The following HLCS variants were observed in gnomAD, a reference collection of about 807,000 sequenced individuals.
HLCS encodes biotin--protein ligase.
HLCS carries 53 observed loss-of-function variants against 75.0 expected under a neutral mutation model. The ratio of observed to expected loss-of-function variants is 0.71; its 90% confidence interval spans 0.57 to 0.89. The LOEUF is 0.89. HLCS is among the 40% of genes least tolerant of loss of function. The pLI is 0.00. For missense variants in HLCS, 966 were observed against 1,074.0 expected (o/e 0.90, Z 1.41); for synonymous variants, 431 against 428.6 (o/e 1.01, Z -0.07).
rs139107573 is a variant in HLCS at position 36,936,660 on chromosome 21, G to A, written c.1226C>T (p.Ala409Val). 6.2e-7 allele frequency: 1 copy of A among 1,614,210 alleles called. No homozygotes were observed. The change falls in exon 4 of 11, where the codon GCA becomes GTA. Residue 409 changes from alanine to valine, a missense_variant. Transcript: ENST00000674895. ...FGGFQVTSKGALHKTVQNLVF... is the reference protein window; with the variant it reads ...FGGFQVTSKGVLHKTVQNLVF... ...CAAGTTCTGGACTGTCTTGTGCAGT[G>A]CACCCTTGCTTGTCACCTGAAAGCC...
intron 6 of HLCS, among the ~76,000 whole-genome samples, chr21:36,844,577 C>G (rs1357909398): frequency 6.6e-6 from 1 of 152,150 alleles, no homozygotes; most frequent in Non-Finnish European, 1.5e-5. Context: ...CAGGAAAGAA[C>G]AAAAGCTTTC....
rs149558077 is a variant in HLCS at position 36,765,349 on chromosome 21, CTG to C, written c.1961-179_1961-178del. ...GAAAAGCTTTTTAAAATCTGAAGCT[CTG>C]TTGCTGAAAAAGTTTCCAATAATTA... On this transcript the variant is annotated intron_variant, in intron 7 of 10. Coordinates refer to ENST00000674895, the MANE Select transcript of HLCS (RefSeq NM_001352514.2). Among the ~76,000 whole-genome samples, 1,853 of 152,370 alleles carry C rather than the reference CTG, an allele frequency of 0.012. 31 individuals are homozygous for C. The highest frequency in any genetic ancestry group is 0.041 in the African/African-American group (1,706 of 41,584).
intron 4 of HLCS, among the ~76,000 whole-genome samples, chr21:36,932,761 C>T (rs895730908): frequency 1.3e-5 from 2 of 152,356 alleles, no homozygotes; most frequent in South Asian, 2.1e-4. Context: ...TGCCAGCTTT[C>T]AGGCGACTTA....
At chr21:36,883,032 T>G (rs1209248414) in intron 6 of HLCS, among the ~76,000 whole-genome samples, 1 of 152,306 alleles carries the variant, frequency 6.6e-6, no homozygotes, top group East Asian at 1.9e-4. Context: ...ATGAAAATGA[T>G]GAATGACTCC....
At chr21:36,791,069 G>T (rs1313951895) in intron 6 of HLCS, among the ~76,000 whole-genome samples, 1 of 152,166 alleles carries the variant, frequency 6.6e-6, no homozygotes, top group African/African-American at 2.4e-5. Context: ...CCTCAGCAGA[G>T]ATCTTTGGGG....
intron 3 of HLCS, among the ~76,000 whole-genome samples, chr21:36,937,845 G>T (rs1165564476): frequency 6.6e-6 from 1 of 152,212 alleles, no homozygotes; most frequent in Non-Finnish European, 1.5e-5. Flanking sequence ...AATGGGAGAA[G>T]ATTCTTCCCA....
rs538677256 is a variant in HLCS at position 36,759,119 on chromosome 21, G to A, written c.2236+608C>T. 117 of 471,160 alleles carry A rather than the reference G, an allele frequency of 2.5e-4. 2 individuals are homozygous for A. The highest frequency in any genetic ancestry group is 1.7e-3 in the South Asian group (112 of 64,556). 29.2% of individuals were successfully genotyped at this position (471,160 alleles called of 1,614,324 possible). On this transcript the variant is annotated intron_variant, in intron 9 of 10. Coordinates refer to ENST00000674895, the MANE Select transcript of HLCS (RefSeq NM_001352514.2). ...TGGCACTTGAAACACATGGTTACAT[G>A]TTTTTTGACCATTGCTGGTTTCTGA...
At chr21:36,885,741 G>A (rs189611353) in intron 6 of HLCS, among the ~76,000 whole-genome samples, 24 of 152,246 alleles carry the variant, frequency 1.6e-4, no homozygotes, top group Admixed American at 1.4e-3. Context: ...CCCTGAAGGA[G>A]GGCCCCACAT....
intron 6 of HLCS, among the ~76,000 whole-genome samples, chr21:36,835,776 G>T (rs1393012310): frequency 6.6e-6 from 1 of 152,176 alleles, no homozygotes; most frequent in Non-Finnish European, 1.5e-5. Flanking sequence ...CCTCTGTGAA[G>T]ATGTCATGTT....
chr21:36,807,013 G>A (rs1159160690), intron 6 of HLCS, among the ~76,000 whole-genome samples: 1 of 152,200 alleles, frequency 6.6e-6, no homozygotes, highest in Non-Finnish European at 1.5e-5. Context: ...TTGCCATGGG[G>A]CTACTCATAG....
upstream of HLCS, among the ~76,000 whole-genome samples, chr21:36,966,825 G>GC (rs951825100): frequency 2.2e-4 from 32 of 147,280 alleles, no homozygotes; most frequent in African/African-American, 7.6e-4. Flanking sequence ...AGGGGCGGGG[G>GC]GGGGTGAGGC....
intron 2 of HLCS, among the ~76,000 whole-genome samples, chr21:36,954,421 T>G (rs2067822810): frequency 6.6e-6 from 1 of 151,832 alleles, no homozygotes; most frequent in Non-Finnish European, 1.5e-5. Flanking sequence ...GAGACCATCC[T>G]GGCTAACATG....
intron 2 of HLCS, among the ~76,000 whole-genome samples, chr21:36,951,481 C>T (rs1226542286): frequency 1.3e-5 from 2 of 152,120 alleles, no homozygotes; most frequent in East Asian, 1.9e-4. Flanking sequence ...CTAAGTAGGT[C>T]CCCCCCATAA....
chr21:36,964,299 A>C (rs2068456270), intron 1 of HLCS, among the ~76,000 whole-genome samples: 1 of 152,232 alleles, frequency 6.6e-6, no homozygotes, highest in Non-Finnish European at 1.5e-5. Context: ...AAGTAGACCC[A>C]AGCAGACTGA....
At chr21:36,830,638 A>T (rs2062171534) in intron 6 of HLCS, among the ~76,000 whole-genome samples, 1 of 152,032 alleles carries the variant, frequency 6.6e-6, no homozygotes, top group Non-Finnish European at 1.5e-5. Flanking sequence ...GTTCGAGACC[A>T]GCCTGGGCAA....
chr21:36,838,587 G>A (rs1249323238), intron 6 of HLCS, among the ~76,000 whole-genome samples: 3 of 151,792 alleles, frequency 2.0e-5, no homozygotes, highest in Non-Finnish European at 4.4e-5. Context: ...GCCTGCAGTC[G>A]CAGCTACTCG....
intron 6 of HLCS, among the ~76,000 whole-genome samples, chr21:36,805,046 C>T (rs2061322819): frequency 6.6e-6 from 1 of 152,152 alleles, no homozygotes. Context: ...AGAGATTAAG[C>T]AAGGCTACAA....
chr21:36,894,307 T>C (rs989790058), intron 6 of HLCS, among the ~76,000 whole-genome samples: 1 of 152,228 alleles, frequency 6.6e-6, no homozygotes, highest in Non-Finnish European at 1.5e-5. Context: ...CAGTTCTTTA[T>C]AGCAATGCGA....
intron 6 of HLCS, among the ~76,000 whole-genome samples, chr21:36,873,925 T>C (rs1028770138): frequency 1.8e-4 from 28 of 152,210 alleles, no homozygotes; most frequent in African/African-American, 6.8e-4. Context: ...AAGTCTAACA[T>C]CATTTTTCTT....
Sources: allele counts gnomAD v4.1 joint callset (sites outside exome capture counted in the v4.1 genomes callset), GRCh38; gene constraint gnomAD v4.1.1; transcripts MANE v1.5; gene names NCBI Gene and HGNC (gene_info 2026-07-23, HGNC 2026-07-21).